Variants in CDH10 observed in about 807,000 individuals in gnomAD.
CDH10 encodes the protein cadherin 10.
In CDH10, 30 loss-of-function variants were observed where a neutral mutation model predicts 73.1. That is an observed-to-expected ratio of 0.41 (90% confidence interval 0.31 to 0.56). CDH10 has a LOEUF of 0.56. CDH10 is among the 20% of genes least tolerant of loss of function. The pLI, the probability that CDH10 is intolerant of heterozygous loss-of-function variation, is 0.27. For synonymous variants in CDH10, 345 were observed against 348.2 expected, an observed-to-expected ratio of 0.99 and a Z score of 0.10; for missense variants, 815 against 973.7, an observed-to-expected ratio of 0.84 and a Z score of 2.17.
At chr5:24,595,283 T>A (rs1289316478) in intron 1 of CDH10, among the ~76,000 whole-genome samples, 5 of 151,984 alleles carry the variant, frequency 3.3e-5, no homozygotes, top group African/African-American at 1.2e-4. Flanking sequence ...TATGCTTACA[T>A]CCACAGTAAT....
chr5:24,598,139 TAC>T (rs1476646956), intron 1 of CDH10, among the ~76,000 whole-genome samples: 2 of 152,010 alleles, frequency 1.3e-5, no homozygotes, highest in African/African-American at 4.8e-5. Context: ...ACTAAATGCA[TAC>T]TAAATACTTC....
intron 1 of CDH10, among the ~76,000 whole-genome samples, chr5:24,622,479 G>T (rs1747351175): frequency 6.6e-6 from 1 of 152,160 alleles, no homozygotes; most frequent in Non-Finnish European, 1.5e-5. Flanking sequence ...GAATGCATTA[G>T]CATGGATGAA....
chr5:24,533,644 T>G (rs1743829555), intron 5 of CDH10, among the ~76,000 whole-genome samples: 1 of 152,108 alleles, frequency 6.6e-6, no homozygotes, highest in Non-Finnish European at 1.5e-5. Flanking sequence ...AATTTGCATG[T>G]TCATTCTCCT....
At chr5:24,524,123 C>T (rs1743440060) in intron 5 of CDH10, among the ~76,000 whole-genome samples, 1 of 152,070 alleles carries the variant, frequency 6.6e-6, no homozygotes, top group Non-Finnish European at 1.5e-5. Context: ...TCCCTACATA[C>T]AGAAGTTAAT....
intron 9 of CDH10, among the ~76,000 whole-genome samples, chr5:24,497,261 G>C (rs1742325080): frequency 6.6e-6 from 1 of 151,906 alleles, no homozygotes; most frequent in African/African-American, 2.4e-5. Flanking sequence ...AATAACCATA[G>C]AGGGAGCGAT....
At chr5:24,572,935 GAAAAAAAAA>G (rs55946839) in intron 2 of CDH10, among the ~76,000 whole-genome samples, 5 of 72,116 alleles carry the variant, frequency 6.9e-5, no homozygotes, top group East Asian at 4.3e-4. Flanking sequence ...CTTAGAAAAA[GAAAAAAAAA>G]AAAAAAAAAA....
At chr5:24,554,503 T>C (rs866444989) in intron 2 of CDH10, among the ~76,000 whole-genome samples, 7 of 75,854 alleles carry the variant, frequency 9.2e-5, no homozygotes, top group Admixed American at 5.2e-4. Flanking sequence ...TGTGTGTGTG[T>C]GTGTGTGTGT....
In CDH10 at chr5:24,487,514, T is replaced by G; in HGVS notation, c.*149A>C. 1 of 697,468 alleles carries G rather than the reference T, an allele frequency of 1.4e-6. No individual in the cohort carries two copies. The highest frequency in any genetic ancestry group is 2.5e-6 in the Non-Finnish European group (1 of 404,386). The allele number at this position is 697,468 out of a possible 1,614,324, so 43.2% of individuals were successfully genotyped here. A position where few individuals can be genotyped will look rare whatever the true frequency, so the allele number is the denominator to read the frequency against. ...CATGAGACATCCTACAGGAAAGAAT[T>G]AATGTAATTAATGAACAAATTAAGA... is the stretch of plus-strand genomic sequence containing the variant. On this transcript the variant is annotated 3_prime_UTR_variant, in exon 12 of 12. Coordinates refer to ENST00000264463, the MANE Select transcript of CDH10 (RefSeq NM_006727.5).
intron 1 of CDH10, among the ~76,000 whole-genome samples, chr5:24,596,211 A>G (rs1183479836): frequency 6.6e-6 from 1 of 151,956 alleles, no homozygotes; most frequent in Non-Finnish European, 1.5e-5. Context: ...ATTTCAAAAC[A>G]TTGTGACTTT....
chr5:24,532,647 A>T (rs1257410084), intron 5 of CDH10, among the ~76,000 whole-genome samples: 3 of 152,166 alleles, frequency 2.0e-5, no homozygotes, highest in African/African-American at 7.2e-5. Flanking sequence ...TAAGAATTAG[A>T]TAAAAAAATT....
At chr5:24,501,232 T>A (rs568024461) in intron 8 of CDH10, among the ~76,000 whole-genome samples, 11 of 152,140 alleles carry the variant, frequency 7.2e-5, no homozygotes, top group Non-Finnish European at 1.6e-4. Context: ...AAAACTTTCA[T>A]AACTAAAAAA....
In CDH10 at chr5:24,595,580, A is replaced by G. The variant is rs535768837; in HGVS notation, c.-123-1967T>C. On this transcript the variant is annotated intron_variant, in intron 1 of 11. Transcript: ENST00000264463. ...ATTGATTGGATTCTAAGTAATAGGAACATTTACCAAAATAGTGGCTTTTAT... is the reference window on the plus strand; with the variant it reads ...ATTGATTGGATTCTAAGTAATAGGAGCATTTACCAAAATAGTGGCTTTTAT... 4.0e-4 allele frequency among the ~76,000 whole-genome samples: 61 copies of G among 152,052 alleles called. 1 individual carries two copies. Among genetic ancestry groups the G allele is most frequent in the African/African-American group, 1.3e-3 (56 of 41,532 alleles).
intron 1 of CDH10, among the ~76,000 whole-genome samples, chr5:24,633,936 G>A (rs913807642): frequency 1.4e-4 from 21 of 151,790 alleles, no homozygotes; most frequent in South Asian, 6.2e-4. Flanking sequence ...TCTCAACACC[G>A]AAATATGTTA....
At chr5:24,539,353 G>T (rs1470400511) in intron 2 of CDH10, among the ~76,000 whole-genome samples, 3 of 151,740 alleles carry the variant, frequency 2.0e-5, no homozygotes, top group Non-Finnish European at 4.4e-5. Flanking sequence ...TTACTTATGA[G>T]AACTTATTTC....
At chr5:24,492,764 A>T in intron 10 of CDH10, 53 bp downstream of exon 10, 1 of 788,742 alleles carries the variant, frequency 1.3e-6, no homozygotes, top group Non-Finnish European at 2.3e-6. Flanking sequence ...TACACTCGGG[A>T]AATTTCCTGT....
intron 2 of CDH10, among the ~76,000 whole-genome samples, chr5:24,564,842 A>G (rs1490495344): frequency 1.3e-5 from 2 of 152,102 alleles, no homozygotes; most frequent in Non-Finnish European, 2.9e-5. Context: ...TCATCTAGTA[A>G]TTCCTGCCCA....
intron 2 of CDH10, among the ~76,000 whole-genome samples, chr5:24,585,001 C>T (rs1484363914): frequency 6.6e-6 from 1 of 151,870 alleles, no homozygotes; most frequent in African/African-American, 2.4e-5. Context: ...CACGTGCCAC[C>T]ATGCCTGGAT....
At chr5:24,498,370 C>G (rs754193703) in intron 9 of CDH10, 28 bp downstream of exon 9, 1 of 1,520,018 alleles carries the variant, frequency 6.6e-7, no homozygotes, top group South Asian at 1.2e-5. Flanking sequence ...TAAAATCTTT[C>G]CAGAGTTTTA....
intron 1 of CDH10, among the ~76,000 whole-genome samples, chr5:24,618,001 T>C (rs1339033797): frequency 1.3e-5 from 2 of 152,330 alleles, no homozygotes; most frequent in South Asian, 4.1e-4. Context: ...ATCTGTATCA[T>C]GTGCAATGGC....
Sources: allele counts gnomAD v4.1 joint callset (sites outside exome capture counted in the v4.1 genomes callset), GRCh38; gene constraint gnomAD v4.1.1; transcripts MANE v1.5; gene names NCBI Gene and HGNC (gene_info 2026-07-23, HGNC 2026-07-21).